ABCA4: variants seen among roughly 807,000 people sequenced by gnomAD.
The protein encoded by ABCA4 is retinal-specific phospholipid-transporting ATPase ABCA4.
Under a neutral mutation model 263.7 loss-of-function variants are expected in ABCA4, and 196 were observed. That is an observed-to-expected ratio of 0.74 (90% confidence interval 0.66 to 0.84). ABCA4 has a LOEUF of 0.84. ABCA4 is among the 40% of genes least tolerant of loss of function. The probability of loss-of-function intolerance (pLI) is 0.00; values close to 1 mark genes in which losing one functional copy is unlikely to be tolerated. For missense variants in ABCA4, 2,792 were observed against 2,855.1 expected (o/e 0.98, Z 0.50); for synonymous variants, 1,133 against 1,094.2 (o/e 1.04, Z -0.70).
intron 4 of ABCA4, 147 bp downstream of exon 4, chr1:94,108,430 C>G: frequency 1.8e-6 from 2 of 1,122,450 alleles, no homozygotes; most frequent in Middle Eastern, 5.7e-4. Context: ...GCATCTTCAC[C>G]AAGGTGATGT....
chr1:94,069,033 A>G (rs1431803855), intron 11 of ABCA4, among the ~76,000 whole-genome samples: 1 of 152,208 alleles, frequency 6.6e-6, no homozygotes, highest in Non-Finnish European at 1.5e-5. Flanking sequence ...CACAAGTCCT[A>G]CAGCTCTTTG....
At chr1:94,115,069 C>A (rs117829737) in intron 1 of ABCA4, among the ~76,000 whole-genome samples, 1 of 152,222 alleles carries the variant, frequency 6.6e-6, no homozygotes, top group Non-Finnish European at 1.5e-5. Flanking sequence ...TAAGAAACAG[C>A]CTCCCCCAGG....
At chr1:94,078,850 T>C in intron 9 of ABCA4, 144 bp from the exon 10 acceptor site, 1 of 735,518 alleles carries the variant, frequency 1.4e-6, no homozygotes, top group Non-Finnish European at 2.5e-6. Context: ...AGTCTATTGC[T>C]ATTTCCCAGA....
In ABCA4 at chr1:94,048,949, T is replaced by C. The variant is rs1432916392; in HGVS notation, c.2662A>G (p.Thr888Ala). The C allele has an allele frequency of 6.2e-7, 1 of 1,614,040 alleles. No individual in the cohort carries two copies. Among genetic ancestry groups the C allele is most frequent in the Non-Finnish European group, 8.5e-7 (1 of 1,180,006 alleles). The change falls in exon 18 of 50, where the codon ACC becomes GCC. Residue 888 changes from threonine (T) to alanine (A), a missense_variant. By Grantham distance (58) the Thr-to-Ala change is moderately conservative. Transcript: ENST00000370225. ...TTTTCCAGGGCTCTTTCTTCTCTGGTTGAACACCCTGCACCAATCAGAAGC... is the reference window on the plus strand; with the variant it reads ...TTTTCCAGGGCTCTTTCTTCTCTGGCTGAACACCCTGCACCAATCAGAAGC... ...SYWLGGEGCS[T>A]REERALEKTE...
At chr1:93,998,968 C>A (rs989267583) in intron 47 of ABCA4, among the ~76,000 whole-genome samples, 12 of 147,384 alleles carry the variant, frequency 8.1e-5, no homozygotes, top group Non-Finnish European at 1.5e-5. Context: ...CCAGGCTGGT[C>A]TTAAACTCCT....
chr1:94,093,408 C>G (rs990091049), intron 6 of ABCA4, among the ~76,000 whole-genome samples: 1 of 152,192 alleles, frequency 6.6e-6, no homozygotes, highest in Non-Finnish European at 1.5e-5. Context: ...AGGTTAAGAG[C>G]TACTGTTCTG....
intron 11 of ABCA4, among the ~76,000 whole-genome samples, chr1:94,067,041 C>T (rs888603247): frequency 1.3e-5 from 2 of 152,278 alleles, no homozygotes; most frequent in Non-Finnish European, 2.9e-5. Flanking sequence ...GTGGCTTGTT[C>T]GCCGTGGTCT....
chr1:94,060,468 A>T, intron 14 of ABCA4, 69 bp downstream of exon 14: 1 of 1,435,138 alleles, frequency 7.0e-7, no homozygotes, highest in South Asian at 1.2e-5. Flanking sequence ...ATCCAGGCAC[A>T]TGAACAGGAG....
chr1:94,102,918 A>G (rs1381088126), intron 5 of ABCA4, 97 bp downstream of exon 5: 4 of 1,539,628 alleles, frequency 2.6e-6, no homozygotes, highest in East Asian at 2.3e-5. Flanking sequence ...TGTGAACACA[A>G]GGAAGAAAGA....
intron 36 of ABCA4, among the ~76,000 whole-genome samples, chr1:94,016,563 C>T (rs749904699): frequency 8.6e-5 from 13 of 151,886 alleles, no homozygotes; most frequent in African/African-American, 2.2e-4. Flanking sequence ...TGTATAGGTC[C>T]GGTAGATAAA....
intron 38 of ABCA4, among the ~76,000 whole-genome samples, chr1:94,012,926 T>A (rs1285769435): frequency 6.6e-6 from 1 of 152,222 alleles, no homozygotes; most frequent in African/African-American, 2.4e-5. Flanking sequence ...CGGCAGCTGC[T>A]GGGAGCTGGG....
chr1:94,103,871 T>C (rs901807966), intron 4 of ABCA4, among the ~76,000 whole-genome samples: 1 of 152,086 alleles, frequency 6.6e-6, no homozygotes, highest in African/African-American at 2.4e-5. Flanking sequence ...CTAGTCAAGC[T>C]CCCTCCAGCT....
At chr1:94,116,636 T>C (rs1238597354) in intron 1 of ABCA4, among the ~76,000 whole-genome samples, 2 of 152,214 alleles carry the variant, frequency 1.3e-5, no homozygotes, top group South Asian at 2.1e-4. Flanking sequence ...TTTCCTAGCC[T>C]GACAGGTCTG....
Position 94,001,967 on chromosome 1 carries a change from A to C in ABCA4, c.6173T>G (p.Leu2058Arg). 1 of 1,614,204 alleles carries C rather than the reference A, an allele frequency of 6.2e-7. No homozygotes were observed. Among genetic ancestry groups the C allele is most frequent in the East Asian group, 2.2e-5 (1 of 44,880 alleles). Residue 2058 changes from leucine (L) to arginine (R), a missense_variant, in exon 45 of 50, where the codon CTG (leucine) becomes CGG (arginine). Physicochemically the swap from Leu to Arg is moderately radical, Grantham distance 102. Coordinates refer to ENST00000370225, the MANE Select transcript of ABCA4 (RefSeq NM_000350.3). ...GCAGTCGGCGTAGACAGTCAGGCCC[A>C]GGCTCTTAATACTCCAGTTTGCAAC... ...EKVANWSIKSLGLTVYADCLA... is the reference protein window; with the variant it reads ...EKVANWSIKSRGLTVYADCLA...
At chr1:94,095,568 G>C (rs1467491608) in intron 6 of ABCA4, among the ~76,000 whole-genome samples, 1 of 152,046 alleles carries the variant, frequency 6.6e-6, no homozygotes, top group African/African-American at 2.4e-5. Flanking sequence ...GCGTCCCAGC[G>C]GGGCCCCTTC....
At chr1:94,007,824 C>G in intron 42 of ABCA4, 84 bp from the exon 43 acceptor site, 1 of 1,313,346 alleles carries the variant, frequency 7.6e-7, no homozygotes, top group Non-Finnish European at 1.1e-6. Context: ...TGTGTGTGAG[C>G]TGGGGGAGGA....
At chr1:94,043,254 C>T (rs1465263523) in intron 21 of ABCA4, 82 bp downstream of exon 21, 26 of 1,600,162 alleles carry the variant, frequency 1.6e-5, no homozygotes, top group Non-Finnish European at 2.2e-5. Context: ...CTCTCCTGCT[C>T]CAAGCCTCCC....
At chr1:94,001,678 C>T (rs753473238) in intron 45 of ABCA4, 180 bp downstream of exon 45, 10 of 907,452 alleles carry the variant, frequency 1.1e-5, no homozygotes, top group Middle Eastern at 2.1e-4. Context: ...ACTTGTTTTT[C>T]TCCGGAGCTG....
chr1:94,082,265 G>A (rs1661720302), intron 7 of ABCA4, among the ~76,000 whole-genome samples: 3 of 152,162 alleles, frequency 2.0e-5, no homozygotes, highest in Admixed American at 2.0e-4. Context: ...CAGGTCAAAT[G>A]GTGTAATACC....
Sources: gnomAD v4.1 joint callset for allele counts (sites outside exome capture counted in the v4.1 genomes callset) on GRCh38, gnomAD v4.1.1 for gene constraint, MANE v1.5 for transcripts, NCBI Gene and HGNC (gene_info 2026-07-23, HGNC 2026-07-21) for gene names.